Variants in DIP2A observed in about 807,000 individuals in gnomAD.
DIP2A encodes the protein DIP2 acetate--CoA ligase A.
Under a neutral mutation model 177.4 loss-of-function variants are expected in DIP2A, and 85 were observed. The observed-to-expected ratio is 0.48, with a 90% CI of 0.40 to 0.57. The LOEUF is 0.57. Among genes scored for constraint, DIP2A ranks in the 20% least tolerant of loss-of-function variants. The probability of loss-of-function intolerance (pLI) is 0.00; values close to 1 mark genes in which losing one functional copy is unlikely to be tolerated. For missense variants in DIP2A, 1,791 were observed against 2,100.2 expected, an observed-to-expected ratio of 0.85 and a Z score of 2.88; for synonymous variants, 886 against 881.8, an observed-to-expected ratio of 1.00 and a Z score of -0.08.
Position 46,560,616 on chromosome 21 carries a change from GGGT to G in DIP2A, c.3970-104_3970-102del. On this transcript the variant is annotated intron_variant, in intron 32 of 37. Coordinates refer to ENST00000417564, the MANE Select transcript of DIP2A (RefSeq NM_015151.4). ...CAGGGAGCAGAGCTGCTACCTTCTT[GGGT>G]GTCCCCGGGGGCCAGGGAGGAGCTG... is the stretch of plus-strand genomic sequence containing the variant. 2.7e-6 allele frequency: 4 copies of G among 1,473,198 alleles called. No individual in the cohort carries two copies. The South Asian group carries it at 5.2e-5, about 19-fold the overall frequency. The allele number at this position is 1,473,198 out of a possible 1,614,324, so 91.3% of individuals were successfully genotyped here.
chr21:46,481,362 C>T (rs1321063379), intron 1 of DIP2A, among the ~76,000 whole-genome samples: 1 of 152,208 alleles, frequency 6.6e-6, no homozygotes, highest in Non-Finnish European at 1.5e-5. Flanking sequence ...TCTTCATTCA[C>T]TTGACATCTG....
chr21:46,524,283 T>C (rs1418892825), intron 8 of DIP2A, among the ~76,000 whole-genome samples: 1 of 152,218 alleles, frequency 6.6e-6, no homozygotes, highest in Non-Finnish European at 1.5e-5. Flanking sequence ...GGAAGGTCTC[T>C]AACCTTCCCA....
At chr21:46,485,743 CAG>C (rs2056639044) in intron 2 of DIP2A, among the ~76,000 whole-genome samples, 1 of 151,986 alleles carries the variant, frequency 6.6e-6, no homozygotes, top group Non-Finnish European at 1.5e-5. Context: ...AGACAAACTA[CAG>C]AGTGTGAGAA....
chr21:46,550,242 A>T (rs2060221830), intron 22 of DIP2A: 11 of 627,582 alleles, frequency 1.8e-5, no homozygotes, highest in Non-Finnish European at 2.7e-5. Context: ...CCTCCTGTCT[A>T]ATTGAGGCTT....
At position 46,569,240 on chromosome 21, in the gene DIP2A, CAT is replaced by C. The variant is rs1239539797; in HGVS notation, c.*1619_*1620del. The C allele has an allele frequency of 3.3e-5, 5 of 152,194 alleles. No homozygotes were observed. The highest frequency in any genetic ancestry group is 6.5e-5 in the Admixed American group (1 of 15,282). 9.4% of individuals were successfully genotyped at this position (152,194 alleles called of 1,614,324 possible). ...ACAAAGCTGTTATTAATTCTCCACA[CAT>C]GAGTCTGGCTAACTGGGCCAGCTCT... On this transcript the variant is annotated 3_prime_UTR_variant, in exon 38 of 38. Transcript: ENST00000417564.
chr21:46,563,666 A>C lies in DIP2A; in HGVS notation c.4090-192A>C. On this transcript the variant is annotated intron_variant, in intron 34 of 37. Coordinates refer to ENST00000417564, the MANE Select transcript of DIP2A (RefSeq NM_015151.4). This position sits in a 1 kb window ranked among gnomAD's most constrained non-coding sequence, Gnocchi z 4.3. The stretch of plus-strand genomic sequence containing the variant: ...CTCAGGAACTGGAGTCATTTTGCTT[A>C]TTTCTATTAACATCTCTTATTTCTT... The C allele has an allele frequency of 2.8e-6, 3 of 1,061,638 alleles. No individual in the cohort carries two copies. The highest frequency in any genetic ancestry group is 3.9e-6 in the Non-Finnish European group (3 of 777,578). The allele number at this position is 1,061,638 out of a possible 1,614,324, so 65.8% of individuals were successfully genotyped here.
At chr21:46,489,092 AAC>A (rs890108477) in intron 2 of DIP2A, among the ~76,000 whole-genome samples, 9 of 152,200 alleles carry the variant, frequency 5.9e-5, no homozygotes, top group African/African-American at 1.4e-4. Context: ...GACACACACA[AAC>A]ACACGTGTGT....
At position 46,497,046 on chromosome 21, in the gene DIP2A, T is replaced by A. The variant is rs1349786602; in HGVS notation, c.342T>A (p.Pro114=). 9 of 1,613,874 alleles carry A rather than the reference T, an allele frequency of 5.6e-6. No homozygotes were observed. In the African/African-American group the frequency reaches 1.1e-4, roughly 19 times the overall value. The change falls in exon 4 of 38, where the codon CCT becomes CCA. Residue 114 remains proline, a synonymous_variant. Coordinates refer to ENST00000417564, the MANE Select transcript of DIP2A (RefSeq NM_015151.4). ...CCAAATACAAAGAGAGGAAGATGCC[T>A]ATGCCTTCGAAGAGACGTTCTGTCC... ...ALAKYKERKM[P]MPSKRRSVLV...
rs761082107 is a variant in DIP2A at position 46,539,859 on chromosome 21, T to C, written c.1922-18T>C. The C allele has an allele frequency of 9.3e-6, 15 of 1,605,032 alleles. No individual in the cohort carries two copies. The Admixed American group carries it at 2.3e-4, about 25-fold the overall frequency. On this transcript the variant is annotated intron_variant, in intron 16 of 37. Transcript: ENST00000417564. ...CCCCCAGTTAGTGCTGGCGTTCCAC[T>C]CTTGTTGCTCTGTGCAGGGTCGATC...
At chr21:46,565,538 G>T (rs1303536194) in intron 35 of DIP2A, among the ~76,000 whole-genome samples, 175 bp from the exon 36 acceptor site, 1 of 152,236 alleles carries the variant, frequency 6.6e-6, no homozygotes, top group Non-Finnish European at 1.5e-5. Context: ...AGTTCTGTTT[G>T]CTTTCTGTGC....
intron 8 of DIP2A, among the ~76,000 whole-genome samples, chr21:46,517,631 C>T (rs999783520): frequency 3.9e-5 from 6 of 152,254 alleles, no homozygotes; most frequent in Non-Finnish European, 8.8e-5. Flanking sequence ...CTCGTGGCTT[C>T]TTAACAACCC....
intron 1 of DIP2A, among the ~76,000 whole-genome samples, chr21:46,467,204 G>T (rs1371393363): frequency 6.6e-6 from 1 of 150,804 alleles, no homozygotes; most frequent in Non-Finnish European, 1.5e-5. Flanking sequence ...GCTGAGGCAG[G>T]AGAATGGCGT....
intron 3 of DIP2A, among the ~76,000 whole-genome samples, chr21:46,492,700 C>T (rs10775681): frequency 0.35 from 53,314 of 151,962 alleles, 9,705 homozygotes; most frequent in Middle Eastern, 0.45. Context: ...TGGTTGTTCA[C>T]GCCTGTAATC....
chr21:46,518,215 A>G (rs1601629798), intron 8 of DIP2A, among the ~76,000 whole-genome samples: 1 of 152,204 alleles, frequency 6.6e-6, no homozygotes, highest in Non-Finnish European at 1.5e-5. Context: ...TCCCAGGAAG[A>G]TTCTGGTGTG....
chr21:46,513,105 T>TG (rs76677792), intron 8 of DIP2A, among the ~76,000 whole-genome samples: 1 of 1,098 alleles, frequency 9.1e-4, no homozygotes, highest in Non-Finnish European at 2.2e-3. Flanking sequence ...ACTTACATGT[T>TG]GTTTTTTTTT....
At chr21:46,567,207 C>T (rs1186112286) in intron 37 of DIP2A, among the ~76,000 whole-genome samples, 163 bp from the exon 38 acceptor site, 1 of 152,208 alleles carries the variant, frequency 6.6e-6, no homozygotes, top group African/African-American at 2.4e-5. Flanking sequence ...AATAGACATC[C>T]TGTAAAATGG....
At chr21:46,539,819 C>G (rs755128298) in intron 16 of DIP2A, 58 bp from the exon 17 acceptor site, 4 of 1,399,918 alleles carry the variant, frequency 2.9e-6, no homozygotes, top group African/African-American at 2.8e-5. Flanking sequence ...GTCCAGCCAC[C>G]CCTTCCCTGC....
In DIP2A at chr21:46,566,647, C is replaced by G; in HGVS notation, c.4427C>G (p.Thr1476Ser). ...CGGTACCACCCCATCGACATTGAGA[C>G]CTCTGTCATCCGAGCACACAGGAGC... is the stretch of plus-strand genomic sequence containing the variant. ...GMRYHPIDIE[T>S]SVIRAHRSIA... The change falls in exon 37 of 38, where the codon ACC becomes AGC. Residue 1476 changes from threonine to serine, a missense_variant. Coordinates refer to ENST00000417564, the MANE Select transcript of DIP2A (RefSeq NM_015151.4). 1 of 1,614,208 alleles carries G rather than the reference C, an allele frequency of 6.2e-7. No individual in the cohort carries two copies. Among genetic ancestry groups the G allele is most frequent in the Non-Finnish European group, 8.5e-7 (1 of 1,180,024 alleles).
rs1214936287 is a variant in DIP2A, at chr21:46,508,889, C to A, written c.785-368C>A. On this transcript the variant is annotated intron_variant, in intron 6 of 37. Transcript: ENST00000417564. ...TACAAATTAGCCAGGTGTGGTGGCGCATGCCTGTAGACTCAGCTACTTGGG... is the reference window on the plus strand; with the variant it reads ...TACAAATTAGCCAGGTGTGGTGGCGAATGCCTGTAGACTCAGCTACTTGGG... Among the ~76,000 whole-genome samples the A allele has an allele frequency of 3.3e-5, 5 of 151,924 alleles. No individual in the cohort carries two copies. In the South Asian group the frequency reaches 8.3e-4, roughly 25 times the overall value.
Sources: gnomAD v4.1 joint callset for allele counts (sites outside exome capture counted in the v4.1 genomes callset) on GRCh38, gnomAD v4.1.1 for gene constraint, Gnocchi (gnomAD v3.1) non-coding constraint, MANE v1.5 for transcripts, NCBI Gene and HGNC (gene_info 2026-07-23, HGNC 2026-07-21) for gene names.